ADAM22: variants seen among roughly 807,000 people sequenced by gnomAD.
ADAM22 encodes the protein ADAM metallopeptidase domain 22.
Under a neutral mutation model 144.6 loss-of-function variants are expected in ADAM22, and 65 were observed. The ratio of observed to expected loss-of-function variants is 0.45; its 90% CI spans 0.37 to 0.55. The LOEUF (loss-of-function observed/expected upper bound fraction) is 0.55. Among genes scored for constraint, ADAM22 ranks in the 20% least tolerant of loss-of-function variants. The pLI is 0.00. For missense variants in ADAM22, 974 were observed against 1,184.9 expected, an observed-to-expected ratio of 0.82 and a Z score of 2.61; for synonymous variants, 391 against 412.6, an observed-to-expected ratio of 0.95 and a Z score of 0.63.
At chr7:87,979,461 C>A (rs1419274788) in intron 3 of ADAM22, among the ~76,000 whole-genome samples, 1 of 152,132 alleles carries the variant, frequency 6.6e-6, no homozygotes, top group African/African-American at 2.4e-5. Flanking sequence ...AATACCTAGT[C>A]TCCTTCTCTG....
At chr7:88,073,208 C>T (rs1002508922) in intron 3 of ADAM22, among the ~76,000 whole-genome samples, 9 of 152,100 alleles carry the variant, frequency 5.9e-5, no homozygotes, top group African/African-American at 1.9e-4. Context: ...GCAGAAGATA[C>T]TTGAGAAGAT....
At chr7:88,125,469 C>T (rs10250115) in intron 7 of ADAM22, 120 bp from the exon 8 acceptor site, 13 of 602,364 alleles carry the variant, frequency 2.2e-5, no homozygotes, top group African/African-American at 1.2e-4. Flanking sequence ...TTTGTGTGAT[C>T]GTTAAGTGCA....
intron 2 of ADAM22, among the ~76,000 whole-genome samples, chr7:87,936,118 G>T (rs1164580935): frequency 6.6e-6 from 1 of 151,652 alleles, no homozygotes. Context: ...ATATCTTGAT[G>T]ATGTGATAAT....
intron 6 of ADAM22, among the ~76,000 whole-genome samples, chr7:88,115,656 C>A (rs1161985753): frequency 1.3e-5 from 2 of 152,124 alleles, no homozygotes; most frequent in South Asian, 2.1e-4. Flanking sequence ...ACAAAATTAC[C>A]CTGGGTGCCA....
At chr7:88,136,716 CG>C (rs1283998315) in intron 14 of ADAM22, among the ~76,000 whole-genome samples, 5 of 151,702 alleles carry the variant, frequency 3.3e-5, no homozygotes, top group African/African-American at 7.3e-5. Flanking sequence ...AGTATAAATT[CG>C]GTTCAGTGTT....
At chr7:88,094,634 A>G (rs1467892478) in intron 4 of ADAM22, among the ~76,000 whole-genome samples, 1 of 152,146 alleles carries the variant, frequency 6.6e-6, no homozygotes, top group Non-Finnish European at 1.5e-5. Context: ...GAAAATCTGG[A>G]AATTATTTTC....
chr7:88,139,343 A>G (rs1180024440), intron 14 of ADAM22, among the ~76,000 whole-genome samples: 1 of 152,006 alleles, frequency 6.6e-6, no homozygotes, highest in Non-Finnish European at 1.5e-5. Flanking sequence ...GCTTGAACCC[A>G]GGAGGCAGAG....
chr7:88,168,992 G>T (rs1392637002), intron 25 of ADAM22, among the ~76,000 whole-genome samples: 1 of 152,108 alleles, frequency 6.6e-6, no homozygotes, highest in African/African-American at 2.4e-5. Flanking sequence ...TAATGGACTT[G>T]CCTTTGTTCC....
chr7:88,081,537 G>C (rs1466243902), intron 4 of ADAM22, among the ~76,000 whole-genome samples: 1 of 151,928 alleles, frequency 6.6e-6, no homozygotes, highest in Non-Finnish European at 1.5e-5. Context: ...ATTAGGAAAA[G>C]AGGAAGTCAA....
intron 2 of ADAM22, among the ~76,000 whole-genome samples, chr7:87,971,159 A>C (rs1850358135): frequency 6.6e-6 from 1 of 152,206 alleles, no homozygotes; most frequent in African/African-American, 2.4e-5. Flanking sequence ...TGGTCATGTT[A>C]TTAACTTTTA....
At chr7:88,159,783 C>A (rs1171190011) in intron 22 of ADAM22, among the ~76,000 whole-genome samples, 1 of 152,056 alleles carries the variant, frequency 6.6e-6, no homozygotes, top group African/African-American at 2.4e-5. Context: ...TATGACAAAC[C>A]CACAGCCAAC....
chr7:87,959,584 G>C (rs1251175809), intron 2 of ADAM22, among the ~76,000 whole-genome samples: 2 of 152,180 alleles, frequency 1.3e-5, no homozygotes, highest in Non-Finnish European at 2.9e-5. Flanking sequence ...TACCAGATTA[G>C]AGGACAAGAT....
chr7:88,080,702 A>G (rs1816283403), intron 4 of ADAM22, among the ~76,000 whole-genome samples: 2 of 152,214 alleles, frequency 1.3e-5, no homozygotes, highest in Non-Finnish European at 2.9e-5. Flanking sequence ...AACTACCATC[A>G]GAGAATACTA....
At chr7:88,039,060 C>T (rs1188046704) in intron 3 of ADAM22, among the ~76,000 whole-genome samples, 4 of 152,090 alleles carry the variant, frequency 2.6e-5, no homozygotes, top group African/African-American at 9.7e-5. Flanking sequence ...CTTAACCCAA[C>T]TGAAGAGCTC....
chr7:88,182,123 C>A, intron 29 of ADAM22, 99 bp downstream of exon 29: 1 of 1,091,062 alleles, frequency 9.2e-7, no homozygotes, highest in South Asian at 1.5e-5. Flanking sequence ...TAAACCATGT[C>A]TCCGGTCTTG....
At chr7:88,136,879 AG>A (rs1310542365) in intron 14 of ADAM22, among the ~76,000 whole-genome samples, 1 of 152,120 alleles carries the variant, frequency 6.6e-6, no homozygotes, top group Non-Finnish European at 1.5e-5. Context: ...AGTTTAAACT[AG>A]GACAATAATG....
chr7:88,036,587 G>A lies in ADAM22; in HGVS notation c.324-39039G>A, dbSNP rs528603372. On this transcript the variant is annotated intron_variant, in intron 3 of 31. Coordinates refer to ENST00000413139, the MANE Select transcript of ADAM22 (RefSeq NM_001324418.2). ...TACTTTAGCACTTCACTGGAATACA[G>A]TACTGTATCTGTTTCCCCTTTGATA... Among the ~76,000 whole-genome samples, 3 of 152,236 alleles carry A rather than the reference G, an allele frequency of 2.0e-5. No homozygotes were observed. In the South Asian group the frequency reaches 6.2e-4, roughly 32 times the overall value.
chr7:88,147,039 A>AT (rs1836701195), intron 17 of ADAM22, among the ~76,000 whole-genome samples: 1 of 152,226 alleles, frequency 6.6e-6, no homozygotes, highest in Admixed American at 6.5e-5. Context: ...CATCTACAAA[A>AT]TGCATTTAAT....
intron 2 of ADAM22, among the ~76,000 whole-genome samples, chr7:87,946,388 A>G (rs1843682581): frequency 6.6e-6 from 1 of 152,130 alleles, no homozygotes; most frequent in Admixed American, 6.6e-5. Flanking sequence ...ATTATGTCCT[A>G]CTTGACAATT....
Sources: allele counts gnomAD v4.1 joint callset (sites outside exome capture counted in the v4.1 genomes callset), GRCh38; gene constraint gnomAD v4.1.1; transcripts MANE v1.5; gene names NCBI Gene and HGNC (gene_info 2026-07-23, HGNC 2026-07-21).